CDH10: variants seen among roughly 807,000 people sequenced by gnomAD.
CDH10 encodes the protein cadherin 10.
In CDH10, 30 loss-of-function variants were observed where a neutral mutation model predicts 73.1. The ratio of observed to expected loss-of-function variants is 0.41; its 90% CI spans 0.31 to 0.56. CDH10 has a LOEUF of 0.56. CDH10 is among the 20% of genes least tolerant of loss of function. The pLI is 0.27. For synonymous variants in CDH10, 345 were observed against 348.2 expected (o/e 0.99, Z 0.10); for missense variants, 815 against 973.7 (o/e 0.84, Z 2.17).
At chr5:24,510,242 A>G (rs1561131458) in intron 6 of CDH10, among the ~76,000 whole-genome samples, 1 of 152,198 alleles carries the variant, frequency 6.6e-6, no homozygotes. Flanking sequence ...TTTCCATTCA[A>G]TGTAATGGGC....
chr5:24,568,023 T>C (rs1224654750), intron 2 of CDH10, among the ~76,000 whole-genome samples: 1 of 152,152 alleles, frequency 6.6e-6, no homozygotes, highest in African/African-American at 2.4e-5. Flanking sequence ...TAAATGATTT[T>C]CCCATAATTT....
intron 5 of CDH10, among the ~76,000 whole-genome samples, chr5:24,526,375 G>A (rs866452589): frequency 6.6e-4 from 100 of 151,800 alleles, no homozygotes; most frequent in African/African-American, 2.3e-3. Flanking sequence ...TATTTCCCCT[G>A]GTTCTGTCAT....
chr5:24,505,349 G>T, intron 7 of CDH10, 101 bp from the exon 8 acceptor site: 1 of 903,840 alleles, frequency 1.1e-6, no homozygotes, highest in Non-Finnish European at 1.8e-6. Context: ...ATAATTACAG[G>T]AAAGAACACA....
At chr5:24,613,665 T>G (rs922744881) in intron 1 of CDH10, among the ~76,000 whole-genome samples, 2 of 152,042 alleles carry the variant, frequency 1.3e-5, no homozygotes, top group African/African-American at 2.4e-5. Flanking sequence ...ACTGTGGCAA[T>G]TGCCTCAAGC....
Position 24,612,213 on chromosome 5 carries a change from T to A in CDH10, c.-123-18600A>T, listed in dbSNP as rs147158117. The A allele has an allele frequency of 2.1e-3, 321 of 152,294 alleles. 1 individual carries two copies. The highest frequency in any genetic ancestry group is 7.0e-3 in the African/African-American group (293 of 41,572). The allele number at this position is 152,294 out of a possible 1,614,324, so 9.4% of individuals were successfully genotyped here. ...TTTTCTTTTAATAAGAATTAGATAT[T>A]CTACATTTTAGCAAAAGGTATCAGT... On this transcript the variant is annotated intron_variant, in intron 1 of 11. Coordinates refer to ENST00000264463, the MANE Select transcript of CDH10 (RefSeq NM_006727.5).
At chr5:24,511,571 GAGAGAGAGA>G in intron 5 of CDH10, 57 bp from the exon 6 acceptor site, 3 of 804,040 alleles carry the variant, frequency 3.7e-6, no homozygotes, top group Non-Finnish European at 5.8e-6. Flanking sequence ...GAGAGAGAGA[GAGAGAGAGA>G]GAGAGAGAGA....
rs184626081 is a variant in CDH10 at position 24,600,227 on chromosome 5, G to A, written c.-123-6614C>T. Among the ~76,000 whole-genome samples, 53 of 152,236 alleles carry A rather than the reference G, an allele frequency of 3.5e-4. 1 individual carries two copies. In the East Asian group the frequency reaches 6.4e-3, roughly 18 times the overall value. ...GAATCCGAAACATGTTATTAGTTGT[G>A]TAAATCCTTCAATTATTGAGCTATA... On this transcript the variant is annotated intron_variant, in intron 1 of 11. Transcript: ENST00000264463.
intron 6 of CDH10, 99 bp downstream of exon 6, chr5:24,511,228 G>C (rs1018847426): frequency 1.3e-6 from 1 of 748,210 alleles, no homozygotes; most frequent in African/African-American, 1.7e-5. Context: ...TGGAAAATTA[G>C]AGTAGTATTT....
chr5:24,536,027 CAT>C (rs1327694907), intron 3 of CDH10, among the ~76,000 whole-genome samples: 2 of 152,046 alleles, frequency 1.3e-5, no homozygotes, highest in African/African-American at 2.4e-5. Flanking sequence ...ATTTAGTCAA[CAT>C]GTCTATTTTT....
intron 2 of CDH10, among the ~76,000 whole-genome samples, chr5:24,592,804 C>T (rs900246305): frequency 6.6e-6 from 1 of 151,532 alleles, no homozygotes; most frequent in Non-Finnish European, 1.5e-5. Flanking sequence ...CATTTTTGTC[C>T]TTGAATCATA....
intron 2 of CDH10, among the ~76,000 whole-genome samples, chr5:24,559,914 A>G (rs1318876368): frequency 6.6e-6 from 1 of 152,128 alleles, no homozygotes; most frequent in Non-Finnish European, 1.5e-5. Context: ...CCAGAAGACA[A>G]ATGAAATGTG....
chr5:24,633,596 T>C (rs1174266319), intron 1 of CDH10, among the ~76,000 whole-genome samples: 1 of 151,922 alleles, frequency 6.6e-6, no homozygotes, highest in East Asian at 1.9e-4. Context: ...GAATTTTTCC[T>C]TGAGAAGGTT....
At chr5:24,604,891 A>AAAAAAAAAAAAAAAAAAAAC (rs1746701533) in intron 1 of CDH10, among the ~76,000 whole-genome samples, 1 of 146,544 alleles carries the variant, frequency 6.8e-6, no homozygotes, top group African/African-American at 2.7e-5. Flanking sequence ...AAAAAAAAAA[A>AAAAAAAAAAAAAAAAAAAAC]AAAACAAAAA....
chr5:24,559,421 C>T (rs1744877674), intron 2 of CDH10, among the ~76,000 whole-genome samples: 1 of 151,976 alleles, frequency 6.6e-6, no homozygotes, highest in African/African-American at 2.4e-5. Flanking sequence ...CAACTGAATG[C>T]ATAGCTACAA....
intron 2 of CDH10, among the ~76,000 whole-genome samples, chr5:24,572,737 C>A (rs2112027372): frequency 6.6e-6 from 1 of 151,894 alleles, no homozygotes; most frequent in East Asian, 1.9e-4. Flanking sequence ...CTTAGAGCCA[C>A]CAATTTCAGC....
At chr5:24,517,878 A>T (rs150543840) in intron 5 of CDH10, among the ~76,000 whole-genome samples, 1 of 152,140 alleles carries the variant, frequency 6.6e-6, no homozygotes, top group South Asian at 2.1e-4. Flanking sequence ...CCGCAGATAG[A>T]CTCCACAACA....
At chr5:24,607,421 C>T (rs967684905) in intron 1 of CDH10, among the ~76,000 whole-genome samples, 3 of 152,126 alleles carry the variant, frequency 2.0e-5, no homozygotes, top group African/African-American at 4.8e-5. Context: ...TTAACAGAGT[C>T]GCATTATTTA....
chr5:24,544,018 G>A (rs1449048614), intron 2 of CDH10, among the ~76,000 whole-genome samples: 2 of 152,118 alleles, frequency 1.3e-5, no homozygotes, highest in South Asian at 2.1e-4. Flanking sequence ...GTGGAAGGCC[G>A]GGTGTGGTGG....
intron 2 of CDH10, among the ~76,000 whole-genome samples, chr5:24,545,221 T>G (rs1002669426): frequency 6.6e-6 from 1 of 152,192 alleles, no homozygotes; most frequent in Non-Finnish European, 1.5e-5. Context: ...GAAAATGACA[T>G]TGAACGTTTT....
Sources: allele counts gnomAD v4.1 joint callset (sites outside exome capture counted in the v4.1 genomes callset), GRCh38; gene constraint gnomAD v4.1.1; transcripts MANE v1.5; gene names NCBI Gene and HGNC (gene_info 2026-07-23, HGNC 2026-07-21).